Variants in NPAS3 observed in about 807,000 individuals in gnomAD.
NPAS3 encodes the protein neuronal PAS domain-containing protein 3.
In NPAS3, 14 loss-of-function variants were observed where a neutral mutation model predicts 73.1. The observed-to-expected ratio is 0.19, with a 90% CI of 0.13 to 0.30. NPAS3 has a LOEUF of 0.30. Among genes scored for constraint, NPAS3 ranks in the 10% least tolerant of loss-of-function variants. NPAS3 has a pLI of 1.00. For missense variants in NPAS3, 1,096 were observed against 1,250.0 expected, an observed-to-expected ratio of 0.88 and a Z score of 1.86; for synonymous variants, 620 against 541.5, an observed-to-expected ratio of 1.14 and a Z score of -2.01.
intron 2 of NPAS3, among the ~76,000 whole-genome samples, chr14:33,174,248 C>A (rs1415248349): frequency 1.3e-5 from 2 of 152,162 alleles, no homozygotes; most frequent in East Asian, 1.9e-4. Flanking sequence ...CATCAGCATG[C>A]CCCTAACCAA....
intron 1 of NPAS3, among the ~76,000 whole-genome samples, chr14:32,956,491 T>C (rs2036676393): frequency 6.6e-6 from 1 of 152,202 alleles, no homozygotes; most frequent in South Asian, 2.1e-4. Flanking sequence ...AAACCAGTAG[T>C]GAGCTAAACC....
intron 1 of NPAS3, among the ~76,000 whole-genome samples, chr14:32,940,483 G>A (rs941134501): frequency 5.9e-5 from 9 of 152,194 alleles, no homozygotes; most frequent in African/African-American, 2.2e-4. Context: ...ATTGGTTTGA[G>A]CAAAGTGGAT....
At chr14:33,307,011 A>G (rs367834954) in intron 3 of NPAS3, among the ~76,000 whole-genome samples, 3 of 152,138 alleles carry the variant, frequency 2.0e-5, no homozygotes, top group Non-Finnish European at 4.4e-5. Flanking sequence ...CAGGCTGAAT[A>G]ATCTCTTTTT....
intron 2 of NPAS3, among the ~76,000 whole-genome samples, chr14:33,196,075 C>T (rs2046339904): frequency 6.6e-6 from 1 of 152,216 alleles, no homozygotes; most frequent in Admixed American, 6.5e-5. Flanking sequence ...CTTGAAGTCA[C>T]ACAGCTATTA....
intron 2 of NPAS3, among the ~76,000 whole-genome samples, chr14:33,079,609 CTTTTTT>C (rs34920021): frequency 5.4e-5 from 3 of 56,044 alleles, no homozygotes; most frequent in African/African-American, 7.6e-5. Context: ...TGAGCCAGGC[CTTTTTT>C]TTTTTTTTTT....
chr14:32,998,322 A>G (rs1026937403), intron 1 of NPAS3, among the ~76,000 whole-genome samples: 2 of 152,260 alleles, frequency 1.3e-5, no homozygotes, highest in African/African-American at 4.8e-5. Context: ...TATTCAGAAT[A>G]GGTAAATCTA....
At chr14:32,988,105 A>G (rs2038169172) in intron 1 of NPAS3, among the ~76,000 whole-genome samples, 2 of 152,224 alleles carry the variant, frequency 1.3e-5, no homozygotes, top group Admixed American at 1.3e-4. Flanking sequence ...TATGTAAAAT[A>G]TTCAAATAAG....
At chr14:33,704,909 G>T (rs1272921219) in intron 6 of NPAS3, among the ~76,000 whole-genome samples, 2 of 152,132 alleles carry the variant, frequency 1.3e-5, no homozygotes, top group Non-Finnish European at 2.9e-5. Context: ...AAATAGGGTG[G>T]CATTGCTATG....
At chr14:33,691,923 G>T (rs2060247031) in intron 6 of NPAS3, among the ~76,000 whole-genome samples, 1 of 152,244 alleles carries the variant, frequency 6.6e-6, no homozygotes, top group Admixed American at 6.5e-5. Context: ...GCCACAATTT[G>T]TCAAATCTGC....
chr14:33,279,032 C>T (rs2140051449), intron 3 of NPAS3, among the ~76,000 whole-genome samples: 1 of 152,210 alleles, frequency 6.6e-6, no homozygotes, highest in East Asian at 1.9e-4. Context: ...TGTAAAAGTA[C>T]CAGTGGTTCT....
intron 3 of NPAS3, among the ~76,000 whole-genome samples, chr14:33,274,693 A>C (rs796488348): frequency 2.4e-4 from 36 of 152,304 alleles, no homozygotes; most frequent in African/African-American, 8.7e-4. Context: ...TGATATAGCT[A>C]AACACCCATA....
At chr14:33,410,197 A>G (rs1176570915) in intron 4 of NPAS3, among the ~76,000 whole-genome samples, 1 of 152,210 alleles carries the variant, frequency 6.6e-6, no homozygotes, top group Non-Finnish European at 1.5e-5. Context: ...GTTAAAATTT[A>G]CCAGATGTGA....
intron 5 of NPAS3, among the ~76,000 whole-genome samples, chr14:33,674,567 C>G (rs746412130): frequency 1.3e-5 from 2 of 152,268 alleles, no homozygotes; most frequent in African/African-American, 4.8e-5. Flanking sequence ...TGTAATCCCC[C>G]CCTCCCAGAG....
At chr14:33,796,980 G>C (rs568797907) in intron 10 of NPAS3, among the ~76,000 whole-genome samples, 1 of 151,876 alleles carries the variant, frequency 6.6e-6, no homozygotes, top group Non-Finnish European at 1.5e-5. Flanking sequence ...AGGCACCAAA[G>C]GCTCTGCTGC....
At chr14:33,299,446 G>T (rs554134008) in intron 3 of NPAS3, among the ~76,000 whole-genome samples, 1 of 152,186 alleles carries the variant, frequency 6.6e-6, no homozygotes, top group Middle Eastern at 3.4e-3. Context: ...AGCTTCGGTG[G>T]TATTGGCAGC....
intron 4 of NPAS3, among the ~76,000 whole-genome samples, chr14:33,399,398 G>C (rs1310802442): frequency 6.6e-6 from 1 of 151,968 alleles, no homozygotes; most frequent in Non-Finnish European, 1.5e-5. Context: ...CTGAAAGTAT[G>C]CAGGCTGTTT....
intron 4 of NPAS3, among the ~76,000 whole-genome samples, chr14:33,544,528 C>G (rs2054690266): frequency 1.3e-5 from 2 of 151,732 alleles, no homozygotes; most frequent in Admixed American, 1.3e-4. Context: ...CTCACTATGT[C>G]TGTCTCCCAC....
At chr14:33,705,314 G>A (rs2060626728) in intron 6 of NPAS3, among the ~76,000 whole-genome samples, 1 of 152,114 alleles carries the variant, frequency 6.6e-6, no homozygotes, top group South Asian at 2.1e-4. Flanking sequence ...CATCTACACA[G>A]TTAGTTCATT....
At chr14:33,026,075 T>G (rs978829950) in intron 1 of NPAS3, among the ~76,000 whole-genome samples, 3 of 152,226 alleles carry the variant, frequency 2.0e-5, no homozygotes, top group African/African-American at 7.2e-5. Flanking sequence ...TCTTGTCTAC[T>G]ACTACAAAAG....
Sources: gnomAD v4.1 joint callset for allele counts (sites outside exome capture counted in the v4.1 genomes callset) on GRCh38, gnomAD v4.1.1 for gene constraint, MANE v1.5 for transcripts, NCBI Gene and HGNC (gene_info 2026-07-23, HGNC 2026-07-21) for gene names.